Variants in UNC5D observed in about 807,000 individuals in gnomAD.
UNC5D encodes the protein netrin receptor UNC5D.
Under a neutral mutation model 105.4 loss-of-function variants are expected in UNC5D, and 39 were observed. The ratio of observed to expected loss-of-function variants is 0.37; its 90% CI spans 0.29 to 0.48. The LOEUF is 0.48. UNC5D is among the 20% of genes least tolerant of loss of function. The probability of loss-of-function intolerance (pLI) is 0.98; values close to 1 mark genes in which losing one functional copy is unlikely to be tolerated. For synonymous variants in UNC5D, 452 were observed against 450.4 expected (o/e 1.00, Z -0.04); for missense variants, 991 against 1,202.4 (o/e 0.82, Z 2.60).
intron 3 of UNC5D, among the ~76,000 whole-genome samples, chr8:35,571,832 G>C (rs1278687911): frequency 6.6e-6 from 1 of 152,184 alleles, no homozygotes; most frequent in Non-Finnish European, 1.5e-5. Flanking sequence ...TGAGGATTTT[G>C]ATAGATGAAT....
rs539557407 is a variant in UNC5D at position 35,679,047 on chromosome 8, G to T, written c.571-4500G>T. 6.2e-4 allele frequency among the ~76,000 whole-genome samples: 94 copies of T among 152,110 alleles called. 2 individuals carry two copies. In the South Asian group the frequency reaches 0.019, roughly 31 times the overall value. The stretch of plus-strand genomic sequence containing the variant: ...GTGGATTGCTTGAGCCCAGGAGTTC[G>T]AGACCAGCCTGAGAAACATAGTGAA... On this transcript the variant is annotated intron_variant, in intron 4 of 16. Coordinates refer to ENST00000404895, the MANE Select transcript of UNC5D (RefSeq NM_080872.4).
At chr8:35,756,818 C>T (rs558242635) in intron 13 of UNC5D, among the ~76,000 whole-genome samples, 1 of 152,260 alleles carries the variant, frequency 6.6e-6, no homozygotes, top group East Asian at 1.9e-4. Flanking sequence ...TAGTACTACA[C>T]TAAATAACAC....
intron 1 of UNC5D, among the ~76,000 whole-genome samples, chr8:35,368,634 A>G (rs1802265936): frequency 6.6e-6 from 1 of 151,284 alleles, no homozygotes; most frequent in Non-Finnish European, 1.5e-5. Flanking sequence ...TGTCTCTTAT[A>G]TATTTGTTAT....
At chr8:35,346,626 C>G (rs1347937574) in intron 1 of UNC5D, among the ~76,000 whole-genome samples, 1 of 151,854 alleles carries the variant, frequency 6.6e-6, no homozygotes, top group East Asian at 1.9e-4. Flanking sequence ...TATTACATCT[C>G]CATATAACCA....
At chr8:35,310,255 G>A (rs544429848) in intron 1 of UNC5D, among the ~76,000 whole-genome samples, 3 of 152,206 alleles carry the variant, frequency 2.0e-5, no homozygotes, top group South Asian at 2.1e-4. Flanking sequence ...CAATAAATGC[G>A]TAAATGAAAT....
At chr8:35,742,254 GA>G (rs57750054) in intron 11 of UNC5D, among the ~76,000 whole-genome samples, 12,027 of 130,940 alleles carry the variant, frequency 0.092, 1,326 homozygotes, top group African/African-American at 0.27. Context: ...CTGACTCCAA[GA>G]AAAAAAAAAA....
At chr8:35,445,283 A>G (rs1807699089) in intron 1 of UNC5D, among the ~76,000 whole-genome samples, 1 of 152,040 alleles carries the variant, frequency 6.6e-6, no homozygotes, top group Non-Finnish European at 1.5e-5. Context: ...GTGGCAAGCA[A>G]CTACAAAGGA....
chr8:35,522,039 T>C (rs1405327860), intron 1 of UNC5D, among the ~76,000 whole-genome samples: 1 of 152,208 alleles, frequency 6.6e-6, no homozygotes, highest in Non-Finnish European at 1.5e-5. Flanking sequence ...ACATGGTTGT[T>C]TGTGCATCCA....
At chr8:35,491,212 G>A (rs1811196824) in intron 1 of UNC5D, among the ~76,000 whole-genome samples, 1 of 151,996 alleles carries the variant, frequency 6.6e-6, no homozygotes, top group Non-Finnish European at 1.5e-5. Context: ...CCTTCCAGGA[G>A]GTATCTCTTC....
At chr8:35,734,908 C>A (rs1370723859) in intron 11 of UNC5D, among the ~76,000 whole-genome samples, 1 of 151,608 alleles carries the variant, frequency 6.6e-6, no homozygotes, top group Admixed American at 6.6e-5. Context: ...CTCAGCCTCC[C>A]GAGTAGCTGG....
At chr8:35,555,447 G>T (rs1459400650) in intron 2 of UNC5D, among the ~76,000 whole-genome samples, 1 of 152,160 alleles carries the variant, frequency 6.6e-6, no homozygotes, top group Non-Finnish European at 1.5e-5. Flanking sequence ...AATAATGTCT[G>T]ATATCGACCA....
In UNC5D at chr8:35,549,306, G is replaced by A. The variant is rs765411265; in HGVS notation, c.118G>A (p.Glu40Lys). Residue 40 changes from glutamate (E) to lysine (K), a missense_variant, in exon 2 of 17, where the codon GAA (glutamate) becomes AAA (lysine). By Grantham distance (56) the Glu-to-Lys change is moderately conservative. This residue lies in a region of UNC5D where 944 missense variants were observed against 1,131.6 expected (regional missense o/e 0.83). Transcript: ENST00000404895. ...TGATTTCACAGGAACTGACAATGGC[G>A]AAGCCCTTCCCGAATCCATCCCATC... ...TAAARGTDNG[E>K]ALPESIPSAP... 2.7e-5 allele frequency: 43 copies of A among 1,612,988 alleles called. No homozygotes were observed. Among genetic ancestry groups the A allele is most frequent in the East Asian group, 2.0e-4 (9 of 44,890 alleles).
intron 1 of UNC5D, among the ~76,000 whole-genome samples, chr8:35,513,596 C>T (rs1812920032): frequency 6.6e-6 from 1 of 152,170 alleles, no homozygotes; most frequent in Admixed American, 6.5e-5. Flanking sequence ...GTTCTTCTCC[C>T]CTGCTTTATT....
At chr8:35,724,873 C>A (rs1351045844) in intron 9 of UNC5D, among the ~76,000 whole-genome samples, 1 of 152,178 alleles carries the variant, frequency 6.6e-6, no homozygotes, top group African/African-American at 2.4e-5. Flanking sequence ...GAACTCAGTG[C>A]AGACCTGCTA....
chr8:35,317,009 G>A (rs1809357966), intron 1 of UNC5D, among the ~76,000 whole-genome samples: 1 of 152,116 alleles, frequency 6.6e-6, no homozygotes, highest in Non-Finnish European at 1.5e-5. Context: ...AACTTAAAAT[G>A]AGTGAATGCT....
At chr8:35,369,022 CT>C (rs1057429601) in intron 1 of UNC5D, among the ~76,000 whole-genome samples, 6 of 152,188 alleles carry the variant, frequency 3.9e-5, no homozygotes, top group African/African-American at 1.4e-4. Flanking sequence ...TGACCTAAGA[CT>C]TTATCATATT....
At chr8:35,280,983 C>T (rs1453113860) in intron 1 of UNC5D, among the ~76,000 whole-genome samples, 1 of 152,162 alleles carries the variant, frequency 6.6e-6, no homozygotes, top group African/African-American at 2.4e-5. Context: ...CAACTCATTA[C>T]ATCTCTCAGC....
chr8:35,652,556 T>C (rs1037695682), intron 4 of UNC5D, among the ~76,000 whole-genome samples: 7 of 152,130 alleles, frequency 4.6e-5, no homozygotes, highest in Non-Finnish European at 4.4e-5. Context: ...AAGCATAGCA[T>C]AATTACTTTT....
intron 2 of UNC5D, among the ~76,000 whole-genome samples, 172 bp from the exon 3 acceptor site, chr8:35,567,926 A>G (rs1272876114): frequency 6.6e-6 from 1 of 152,240 alleles, no homozygotes; most frequent in African/African-American, 2.4e-5. Flanking sequence ...CAGCCTACTC[A>G]GCTGTTGAAA....
Sources: gnomAD v4.1 joint callset for allele counts (sites outside exome capture counted in the v4.1 genomes callset) on GRCh38, gnomAD v4.1.1 for gene constraint, gnomAD v4.1.1 regional missense constraint, MANE v1.5 for transcripts, NCBI Gene and HGNC (gene_info 2026-07-23, HGNC 2026-07-21) for gene names.